SLC24A4: variants seen among roughly 807,000 people sequenced by gnomAD.
SLC24A4 encodes the protein sodium/potassium/calcium exchanger 4.
A neutral mutation model predicts 79.0 loss-of-function variants in SLC24A4; 53 were observed. The ratio of observed to expected loss-of-function variants is 0.67; its 90% confidence interval spans 0.54 to 0.84. The LOEUF (loss-of-function observed/expected upper bound fraction) is 0.84, where lower values mean the gene tolerates loss of function less well. Ranked by LOEUF, SLC24A4 falls within the 40% of genes least tolerant of loss-of-function variation. SLC24A4 has a pLI of 0.00. For synonymous variants in SLC24A4, 323 were observed against 323.8 expected (o/e 1.00, Z 0.03); for missense variants, 731 against 822.0 (o/e 0.89, Z 1.35).
In SLC24A4 at chr14:92,442,606, C is replaced by T; in HGVS notation, c.479-107C>T. ...CATTCTCTTCCGCTTCACGGGTGCTCTGTTTGTTAGTAAAGCAACCCACTT... is the reference window on the plus strand; with the variant it reads ...CATTCTCTTCCGCTTCACGGGTGCTTTGTTTGTTAGTAAAGCAACCCACTT... On this transcript the variant is annotated intron_variant, in intron 5 of 16. Coordinates refer to ENST00000532405, the MANE Select transcript of SLC24A4 (RefSeq NM_153646.4). The T allele has an allele frequency of 7.9e-6, 6 of 759,752 alleles. No individual in the cohort carries two copies. The South Asian group carries it at 8.1e-5, about 10-fold the overall frequency. The allele number at this position is 759,752 out of a possible 1,614,324, so 47.1% of individuals were successfully genotyped here. A position where few individuals can be genotyped will look rare whatever the true frequency, so the allele number is the denominator to read the frequency against.
Position 92,442,146 on chromosome 14 carries a change from A to G in SLC24A4, c.451A>G (p.Thr151Ala). ...CACCTTCATGGCTGCAGGAAGCTCA[A>G]CGCCAGAGCTGTTTGCGTCTGTTAT... ...GATFMAAGSSTPELFASVIGV... is the reference protein window; with the variant it reads ...GATFMAAGSSAPELFASVIGV... The change falls in exon 5 of 17, where the codon ACG becomes GCG. Residue 151 changes from threonine to alanine, a missense_variant. Transcript: ENST00000532405. 1.2e-6 allele frequency: 2 copies of G among 1,613,908 alleles called. No homozygotes were observed. Among genetic ancestry groups the G allele is most frequent in the Non-Finnish European group, 1.7e-6 (2 of 1,179,908 alleles).
intron 12 of SLC24A4, among the ~76,000 whole-genome samples, chr14:92,464,737 A>G (rs1384734642): frequency 1.3e-5 from 2 of 152,302 alleles, no homozygotes; most frequent in Non-Finnish European, 2.9e-5. Context: ...CACTGGAAGG[A>G]GGCTGGAATA....
At chr14:92,463,438 C>G (rs1160745319) in intron 12 of SLC24A4, among the ~76,000 whole-genome samples, 1 of 152,092 alleles carries the variant, frequency 6.6e-6, no homozygotes, top group Non-Finnish European at 1.5e-5. Context: ...CTGTTCCAGG[C>G]CCCCAGAGAC....
chr14:92,469,170 G>A (rs1894296490), intron 12 of SLC24A4, among the ~76,000 whole-genome samples: 1 of 152,090 alleles, frequency 6.6e-6, no homozygotes, highest in South Asian at 2.1e-4. Flanking sequence ...ACTGGTGAGG[G>A]GATGGGAAAA....
intron 2 of SLC24A4, among the ~76,000 whole-genome samples, chr14:92,395,436 C>CACAT (rs1168562855): frequency 7.5e-6 from 1 of 132,498 alleles, no homozygotes. Context: ...AAACAAAACA[C>CACAT]ACACACACAC....
At chr14:92,334,090 G>A (rs1885636384) in intron 2 of SLC24A4, among the ~76,000 whole-genome samples, 1 of 152,202 alleles carries the variant, frequency 6.6e-6, no homozygotes, top group East Asian at 1.9e-4. Flanking sequence ...ACAAACGTCT[G>A]TTGGAATGAT....
intron 2 of SLC24A4, among the ~76,000 whole-genome samples, chr14:92,356,497 C>A (rs1288082368): frequency 6.6e-6 from 1 of 152,152 alleles, no homozygotes; most frequent in Non-Finnish European, 1.5e-5. Context: ...TGAATTTGAA[C>A]CCTGGATCTA....
chr14:92,415,567 C>G (rs574073583), intron 2 of SLC24A4, among the ~76,000 whole-genome samples: 13 of 152,112 alleles, frequency 8.5e-5, no homozygotes, highest in Non-Finnish European at 1.6e-4. Flanking sequence ...AAGTGATTCT[C>G]CTGCCTCAGT....
chr14:92,398,237 C>T lies in SLC24A4; in HGVS notation c.242-35675C>T, dbSNP rs991154836. Among the ~76,000 whole-genome samples the T allele has an allele frequency of 6.6e-6, 1 of 152,192 alleles. No homozygotes were observed. The highest frequency in any genetic ancestry group is 2.4e-5 in the African/African-American group (1 of 41,426). ...AAATTGGTAGTCAGAAGCCATTTAG[C>T]AACAGGACAGTTGAGTGCTAGACTA... On this transcript the variant is annotated intron_variant, in intron 2 of 16. Coordinates refer to ENST00000532405, the MANE Select transcript of SLC24A4 (RefSeq NM_153646.4). The surrounding 1 kb of genome is among the most constrained non-coding windows in gnomAD (Gnocchi z 4.1).
chr14:92,484,833 A>G (rs747181511), intron 13 of SLC24A4: 74 of 985,296 alleles, frequency 7.5e-5, no homozygotes, highest in Non-Finnish European at 8.0e-5. Flanking sequence ...CCAACAGCCA[A>G]TTAAGGGTGA....
rs533327642 is a variant in SLC24A4 at position 92,470,397 on chromosome 14, T to A, written c.1256-12283T>A. ...TGCAAACCACAGGTTAACCACTCCC[T>A]TAATTGGAATGTGGAATTCATTCAC... On this transcript the variant is annotated intron_variant, in intron 12 of 16. Coordinates refer to ENST00000532405, the MANE Select transcript of SLC24A4 (RefSeq NM_153646.4). Among the ~76,000 whole-genome samples the A allele has an allele frequency of 1.4e-4, 22 of 152,348 alleles. No individual in the cohort carries two copies. The East Asian group carries it at 3.9e-3, about 27-fold the overall frequency.
At chr14:92,370,326 G>T (rs544690485) in intron 2 of SLC24A4, among the ~76,000 whole-genome samples, 1 of 152,282 alleles carries the variant, frequency 6.6e-6, no homozygotes, top group South Asian at 2.1e-4. Flanking sequence ...TTCGAGTCTG[G>T]CCTCTGTGGA....
intron 15 of SLC24A4, 69 bp downstream of exon 15, chr14:92,491,846 C>A: frequency 7.7e-7 from 1 of 1,292,234 alleles, no homozygotes; most frequent in Non-Finnish European, 1.1e-6. Flanking sequence ...CAGTTCCAGC[C>A]AGAGGCTCTA....
chr14:92,357,849 G>A (rs1174926561), intron 2 of SLC24A4, among the ~76,000 whole-genome samples: 1 of 152,216 alleles, frequency 6.6e-6, no homozygotes, highest in Non-Finnish European at 1.5e-5. Context: ...AATCTTATGT[G>A]TATTTCACCA....
intron 2 of SLC24A4, among the ~76,000 whole-genome samples, chr14:92,405,152 TG>T (rs1358379825): frequency 2.0e-5 from 3 of 152,304 alleles, no homozygotes; most frequent in Middle Eastern, 3.4e-3. Flanking sequence ...AACCTCTCTG[TG>T]CCCTTGACTC....
At chr14:92,389,799 G>A (rs1009549113) in intron 2 of SLC24A4, among the ~76,000 whole-genome samples, 8 of 152,132 alleles carry the variant, frequency 5.3e-5, no homozygotes, top group Admixed American at 3.9e-4. Flanking sequence ...CCAGGGGCCC[G>A]CCTGGCCTCA....
intron 2 of SLC24A4, among the ~76,000 whole-genome samples, chr14:92,372,901 C>CTTCCTTCCTTCT (rs1888255507): frequency 8.5e-6 from 1 of 117,270 alleles, no homozygotes; most frequent in South Asian, 3.7e-4. Flanking sequence ...TCCTTCCTTC[C>CTTCCTTCCTTCT]TTCCTTCCTT....
In SLC24A4 at chr14:92,442,088, G is replaced by C; in HGVS notation, c.394-1G>C. ...AGGGTCTGTGGTCACTTCCGTTTCA[G>C]AGACTCCATCTGAGCGAAGATGTGG... On this transcript the variant is annotated splice_acceptor_variant, in intron 4 of 16. Coordinates refer to ENST00000532405, the MANE Select transcript of SLC24A4 (RefSeq NM_153646.4). LOFTEE classifies it high-confidence loss of function. 2 of 1,613,548 alleles carry C rather than the reference G, an allele frequency of 1.2e-6. No homozygotes were observed. The highest frequency in any genetic ancestry group is 1.7e-6 in the Non-Finnish European group (2 of 1,179,578).
chr14:92,461,817 C>A (rs1050942181), intron 12 of SLC24A4, among the ~76,000 whole-genome samples: 1 of 152,136 alleles, frequency 6.6e-6, no homozygotes, highest in Admixed American at 6.5e-5. Flanking sequence ...TCATGCCTTG[C>A]CACAGAACGA....
Sources: allele counts gnomAD v4.1 joint callset (sites outside exome capture counted in the v4.1 genomes callset), GRCh38; gene constraint gnomAD v4.1.1; non-coding constraint Gnocchi (gnomAD v3.1); transcripts MANE v1.5; gene names NCBI Gene and HGNC (gene_info 2026-07-23, HGNC 2026-07-21).